The following PDE11A variants were observed in gnomAD, a reference collection of about 807,000 sequenced individuals.
PDE11A encodes phosphodiesterase 11A, also known as dual 3',5'-cyclic-AMP and -GMP phosphodiesterase 11A.
In PDE11A, 100 loss-of-function variants were observed where a neutral mutation model predicts 100.5. The ratio of observed to expected loss-of-function variants is 1.00; its 90% CI spans 0.85 to 1.18. The LOEUF is 1.18. Ranked by LOEUF, PDE11A falls within the 50% of genes most tolerant of loss-of-function variation. PDE11A has a pLI of 0.00. For missense variants in PDE11A, 1,141 were observed against 1,152.6 expected (o/e 0.99, Z 0.15); for synonymous variants, 381 against 420.8 (o/e 0.91, Z 1.16).
chr2:177,751,688 A>G (rs2105477770), intron 10 of PDE11A, among the ~76,000 whole-genome samples: 1 of 152,334 alleles, frequency 6.6e-6, no homozygotes, highest in South Asian at 2.1e-4. Flanking sequence ...TAAATAAGAA[A>G]CAAAAATTTA....
At chr2:177,631,371 C>T (rs1313623131) in intron 19 of PDE11A, among the ~76,000 whole-genome samples, 3 of 141,360 alleles carry the variant, frequency 2.1e-5, no homozygotes, top group Non-Finnish European at 4.5e-5. Context: ...ATCCTAGCTA[C>T]TTGGGAGGCT....
Position 177,799,175 on chromosome 2 carries a change from T to G in PDE11A, c.1737+17654A>C, listed in dbSNP as rs534694923. Among the ~76,000 whole-genome samples the G allele has an allele frequency of 1.6e-4, 24 of 152,034 alleles. 1 individual carries two copies. In the South Asian group the frequency reaches 5.0e-3, roughly 32 times the overall value. Reference sequence around the variant, plus strand: ...TCGAGACTGTCAAGGTCAACAAAATTGAAAAGTATGAAAAAGTATCACAGC... The same window carrying G: ...TCGAGACTGTCAAGGTCAACAAAATGGAAAAGTATGAAAAAGTATCACAGC... On this transcript the variant is annotated intron_variant, in intron 9 of 19. Coordinates refer to ENST00000286063, the MANE Select transcript of PDE11A (RefSeq NM_016953.4).
intron 2 of PDE11A, among the ~76,000 whole-genome samples, chr2:177,969,484 A>C (rs1221630055): frequency 6.6e-6 from 1 of 152,166 alleles, no homozygotes; most frequent in Non-Finnish European, 1.5e-5. Context: ...TTTCACTGTT[A>C]ATGTTGATAT....
chr2:177,799,856 T>C (rs1003561200), intron 9 of PDE11A, among the ~76,000 whole-genome samples: 1 of 152,178 alleles, frequency 6.6e-6, no homozygotes, highest in Non-Finnish European at 1.5e-5. Context: ...TTTTGAAGTA[T>C]TCGCTTTCAT....
intron 2 of PDE11A, chr2:177,922,564 G>T (rs2085067810): frequency 3.0e-6 from 1 of 328,746 alleles, no homozygotes; most frequent in African/African-American, 2.2e-5. Flanking sequence ...TGCCACAAAG[G>T]GCTGAACCCA....
At chr2:177,712,603 T>G (rs561883869) in intron 12 of PDE11A, among the ~76,000 whole-genome samples, 2 of 152,254 alleles carry the variant, frequency 1.3e-5, no homozygotes, top group South Asian at 4.1e-4. Context: ...GCTGGTGAAA[T>G]GCACAGCTGT....
chr2:177,692,306 T>G (rs2081051502), intron 15 of PDE11A, among the ~76,000 whole-genome samples: 1 of 152,212 alleles, frequency 6.6e-6, no homozygotes. Context: ...TTATAACATT[T>G]GTAATTTTAG....
chr2:177,748,785 C>A (rs927846500), intron 10 of PDE11A, among the ~76,000 whole-genome samples: 4 of 152,032 alleles, frequency 2.6e-5, no homozygotes, highest in African/African-American at 9.7e-5. Context: ...GACCATAAAT[C>A]CTGAAAATCA....
intron 2 of PDE11A, among the ~76,000 whole-genome samples, chr2:177,913,153 G>A (rs1032368453): frequency 6.6e-6 from 1 of 152,118 alleles, no homozygotes; most frequent in Admixed American, 6.5e-5. Flanking sequence ...TAAATACTCT[G>A]TTCATGGTAT....
Position 178,057,195 on chromosome 2 carries a change from T to C in PDE11A, c.912+14331A>G, listed in dbSNP as rs569891354. Among the ~76,000 whole-genome samples, 4 of 152,330 alleles carry C rather than the reference T, an allele frequency of 2.6e-5. No homozygotes were observed. In the East Asian group the frequency reaches 5.8e-4, roughly 22 times the overall value. ...TCATTTAGCTGTTTAACAAAACTGG[T>C]CACAGATGACTTTAGAAGAATTGCG... On this transcript the variant is annotated intron_variant, in intron 1 of 19. Transcript: ENST00000286063.
At chr2:177,822,233 A>G (rs574497936) in intron 6 of PDE11A, among the ~76,000 whole-genome samples, 1 of 152,034 alleles carries the variant, frequency 6.6e-6, no homozygotes, top group South Asian at 2.1e-4. Context: ...TCACATTTAA[A>G]TTTATAATCC....
intron 19 of PDE11A, among the ~76,000 whole-genome samples, chr2:177,641,180 A>G (rs762015766): frequency 6.6e-6 from 1 of 152,202 alleles, no homozygotes; most frequent in Admixed American, 6.5e-5. Context: ...TGATATGAAT[A>G]TGCTCATCAT....
chr2:178,047,957 C>A (rs2086773522), intron 1 of PDE11A, among the ~76,000 whole-genome samples: 1 of 152,162 alleles, frequency 6.6e-6, no homozygotes, highest in African/African-American at 2.4e-5. Context: ...CTGTCTTCAA[C>A]TGAAGGTGAC....
At chr2:177,666,199 C>T (rs2080578423) in intron 18 of PDE11A, among the ~76,000 whole-genome samples, 1 of 152,144 alleles carries the variant, frequency 6.6e-6, no homozygotes, top group Non-Finnish European at 1.5e-5. Context: ...GTGACTTGGC[C>T]TCTTTCACTG....
intron 10 of PDE11A, among the ~76,000 whole-genome samples, chr2:177,749,232 G>T (rs913770433): frequency 3.3e-5 from 5 of 150,602 alleles, no homozygotes; most frequent in African/African-American, 9.7e-5. Flanking sequence ...GTGAGAGAGG[G>T]TCTCTCACAC....
chr2:177,721,932 T>C (rs981274603), intron 12 of PDE11A, among the ~76,000 whole-genome samples: 1 of 152,100 alleles, frequency 6.6e-6, no homozygotes, highest in Non-Finnish European at 1.5e-5. Flanking sequence ...GCTCCCAACT[T>C]AACACCCTTA....
chr2:177,777,948 C>G (rs1329588399), intron 9 of PDE11A, among the ~76,000 whole-genome samples: 1 of 152,164 alleles, frequency 6.6e-6, no homozygotes, highest in East Asian at 1.9e-4. Context: ...TGTTGGTGAG[C>G]TCTGACTTAA....
chr2:177,998,268 G>T (rs2086101918), intron 2 of PDE11A: 3 of 827,528 alleles, frequency 3.6e-6, no homozygotes, highest in South Asian at 1.3e-5. Context: ...CACTTCCTTT[G>T]TTAATACTTC....
intron 10 of PDE11A, among the ~76,000 whole-genome samples, chr2:177,736,598 G>A (rs1173002198): frequency 6.6e-6 from 1 of 152,080 alleles, no homozygotes; most frequent in Non-Finnish European, 1.5e-5. Flanking sequence ...GAAAGAGAGG[G>A]AAGGAGACAG....
Sources: allele counts gnomAD v4.1 joint callset (sites outside exome capture counted in the v4.1 genomes callset), GRCh38; gene constraint gnomAD v4.1.1; transcripts MANE v1.5; gene names NCBI Gene and HGNC (gene_info 2026-07-23, HGNC 2026-07-21).